ZNF197: variants seen among roughly 807,000 people sequenced by gnomAD.
ZNF197 encodes the protein zinc finger protein 197, also known as VHL-associated KRAB-A domain-containing protein.
In ZNF197, 14 loss-of-function variants were observed where a neutral mutation model predicts 27.4. That is an observed-to-expected ratio of 0.51 (90% CI 0.34 to 0.80). ZNF197 has a LOEUF of 0.80. ZNF197 is among the 30% of genes least tolerant of loss of function. ZNF197 has a pLI of 0.02. For synonymous variants in ZNF197, 415 were observed against 420.0 expected (o/e 0.99, Z 0.15); for missense variants, 1,090 against 1,222.6 (o/e 0.89, Z 1.62).
rs1391766150 is a variant in ZNF197 at position 44,631,074 on chromosome 3, G to T, written c.403G>T (p.Val135Phe). 6.2e-7 allele frequency: 1 copy of T among 1,614,100 alleles called. No homozygotes were observed. Among genetic ancestry groups the T allele is most frequent in the South Asian group, 1.1e-5 (1 of 91,074 alleles). ...TACTTGTTTCCAGGTTCCAGTCCTTGTCAAGGATCAGGACACTCTCCAGAA... is the reference window on the plus strand; with the variant it reads ...TACTTGTTTCCAGGTTCCAGTCCTTTTCAAGGATCAGGACACTCTCCAGAA... ...DGPAIQVPVL[V>F]KDQDTLQKVV... is the part of the protein sequence containing the mutation. The change falls in exon 3 of 6, where the codon GTC becomes TTC. Residue 135 changes from valine (V) to phenylalanine (F), a missense_variant. Coordinates refer to ENST00000344387, the MANE Select transcript of ZNF197 (RefSeq NM_006991.5).
chr3:44,645,620 G>C lies in ZNF197; in HGVS notation c.*1400G>C, dbSNP rs1469698717. ...TGGTACCCTGCTTTCCCTATTCAGA[G>C]GGAAAAAAATCCTTGACCCGCAGTT... On this transcript the variant is annotated 3_prime_UTR_variant, in exon 6 of 6. Coordinates refer to ENST00000344387, the MANE Select transcript of ZNF197 (RefSeq NM_006991.5). 3 of 985,236 alleles carry C rather than the reference G, an allele frequency of 3.0e-6. No individual in the cohort carries two copies. Among genetic ancestry groups the C allele is most frequent in the Admixed American group, 6.2e-5 (1 of 16,260 alleles). The allele number at this position is 985,236 out of a possible 1,614,324, so 61.0% of individuals were successfully genotyped here.
In ZNF197 at chr3:44,644,318, T is replaced by G; in HGVS notation, c.*98T>G. 6.8e-7 allele frequency: 1 copy of G among 1,465,186 alleles called. No homozygotes were observed. The highest frequency in any genetic ancestry group is 9.0e-7 in the Non-Finnish European group (1 of 1,114,080). 90.8% of individuals were successfully genotyped at this position (1,465,186 alleles called of 1,614,324 possible). Reference sequence around the variant, plus strand: ...AAGGAAAAAGTTTATTATTTACTCTTTACTAGACAAATGAGTAGCATATAG... The same window carrying G: ...AAGGAAAAAGTTTATTATTTACTCTGTACTAGACAAATGAGTAGCATATAG... On this transcript the variant is annotated 3_prime_UTR_variant, in exon 6 of 6. Coordinates refer to ENST00000344387, the MANE Select transcript of ZNF197 (RefSeq NM_006991.5).
chr3:44,641,340 G>A lies in ZNF197; in HGVS notation c.770-560G>A, dbSNP rs549057172. On this transcript the variant is annotated intron_variant, in intron 5 of 5. Coordinates refer to ENST00000344387, the MANE Select transcript of ZNF197 (RefSeq NM_006991.5). ...CATTTCTTAATTTTAAACGGAGTAGGAGTTATATGAATTCTAAGAATTAAG... is the reference window on the plus strand; with the variant it reads ...CATTTCTTAATTTTAAACGGAGTAGAAGTTATATGAATTCTAAGAATTAAG... Among the ~76,000 whole-genome samples, 4 of 152,192 alleles carry A rather than the reference G, an allele frequency of 2.6e-5. No homozygotes were observed. The South Asian group carries it at 8.3e-4, about 32-fold the overall frequency.
Position 44,631,125 on chromosome 3 carries a change from C to T in ZNF197, c.454C>T (p.Leu152Phe), listed in dbSNP as rs968625741. The T allele has an allele frequency of 1.2e-6, 2 of 1,614,012 alleles. No individual in the cohort carries two copies. The highest frequency in any genetic ancestry group is 2.7e-5 in the African/African-American group (2 of 74,918). The stretch of plus-strand genomic sequence containing the variant: ...GGTGGTGAGTGCCCCAGGAACAACA[C>T]TTCCTCCTGTACTTCCTGGCAGCCA... Reference protein sequence around the residue: ...QKVVSAPGTTLPPVLPGSHIA... With the variant: ...QKVVSAPGTTFPPVLPGSHIA... Residue 152 changes from leucine to phenylalanine, a missense_variant, in exon 3 of 6, where the codon CTT becomes TTT. Transcript: ENST00000344387.
rs759694759 is a variant in ZNF197 at position 44,642,743 on chromosome 3, A to C, written c.1613A>C (p.Tyr538Ser). The stretch of plus-strand genomic sequence containing the variant: ...AGAATCCACTCTGGGGAAAAACCCT[A>C]TAAATGTGATGAATGTGGAAAGACC... ...HQRIHSGEKP[Y>S]KCDECGKTFA... The change falls in exon 6 of 6, where the codon TAT (tyrosine) becomes TCT (serine). Residue 538 changes from tyrosine to serine, a missense_variant. Transcript: ENST00000344387. 6.2e-7 allele frequency: 1 copy of C among 1,613,734 alleles called. No homozygotes were observed. The highest frequency in any genetic ancestry group is 8.5e-7 in the Non-Finnish European group (1 of 1,180,010).
chr3:44,646,386 T>C lies in ZNF197; in HGVS notation c.*2166T>C. 2 of 1,576,388 alleles carry C rather than the reference T, an allele frequency of 1.3e-6. No homozygotes were observed. The highest frequency in any genetic ancestry group is 8.6e-7 in the Non-Finnish European group (1 of 1,161,940). On this transcript the variant is annotated 3_prime_UTR_variant, in exon 6 of 6. Coordinates refer to ENST00000344387, the MANE Select transcript of ZNF197 (RefSeq NM_006991.5). Reference sequence around the variant, plus strand: ...CTTCACCGAGTAACAAAATGTCACATTGCTTAGATTGAGACAGCCCACATA... The same window carrying C: ...CTTCACCGAGTAACAAAATGTCACACTGCTTAGATTGAGACAGCCCACATA...
At position 44,631,097 on chromosome 3, in the gene ZNF197, G is replaced by C. The variant is rs1440719907; in HGVS notation, c.426G>C (p.Gln142His). ...TTGTCAAGGATCAGGACACTCTCCA[G>C]AAGGTGGTGAGTGCCCCAGGAACAA... ...PVLVKDQDTL[Q>H]KVVSAPGTTL... is the part of the protein sequence containing the mutation. Residue 142 changes from glutamine (Q) to histidine (H), a missense_variant, in exon 3 of 6, where the codon CAG becomes CAC. Physicochemically the swap from Gln to His is conservative, Grantham distance 24. Coordinates refer to ENST00000344387, the MANE Select transcript of ZNF197 (RefSeq NM_006991.5). 6.2e-7 allele frequency: 1 copy of C among 1,614,154 alleles called. No individual in the cohort carries two copies. The highest frequency in any genetic ancestry group is 2.2e-5 in the East Asian group (1 of 44,870).
chr3:44,638,468 C>G (rs1702425558), intron 5 of ZNF197, among the ~76,000 whole-genome samples: 2 of 151,996 alleles, frequency 1.3e-5, no homozygotes, highest in Admixed American at 6.6e-5. Context: ...GTTTTAATAG[C>G]TTTTTAGTGA....
At position 44,632,175 on chromosome 3, in the gene ZNF197, G is replaced by T. The variant is rs1272622558; in HGVS notation, c.621G>T (p.Met207Ile). The T allele has an allele frequency of 3.1e-6, 5 of 1,613,984 alleles. No individual in the cohort carries two copies. The African/African-American group carries it at 5.3e-5, about 17-fold the overall frequency. The change falls in exon 4 of 6, where the codon ATG becomes ATT. Residue 207 changes from methionine to isoleucine, a missense_variant. Physicochemically the swap from Met to Ile is conservative, Grantham distance 10. Transcript: ENST00000344387. Reference sequence around the variant, plus strand: ...CAAGAAATCAATTAATGGCACTTATGCTCCTAACAGCCCAGCCCCAGGTAA... The same window carrying T: ...CAAGAAATCAATTAATGGCACTTATTCTCCTAACAGCCCAGCCCCAGGTAA... Reference protein sequence around the residue: ...ENPRNQLMALMLLTAQPQELV... With the variant: ...ENPRNQLMALILLTAQPQELV...
In ZNF197 at chr3:44,645,960, A is replaced by G. The variant is rs573335281; in HGVS notation, c.*1740A>G. 1.9e-5 allele frequency: 19 copies of G among 985,454 alleles called. No individual in the cohort carries two copies. The East Asian group carries it at 1.6e-3, about 82-fold the overall frequency. The allele number at this position is 985,454 out of a possible 1,614,324, so 61.0% of individuals were successfully genotyped here. ...AAAGTTCTGTTTCTGTAGCTGGACT[A>G]TGAATAATACCTGAATATGAAGATT... On this transcript the variant is annotated 3_prime_UTR_variant, in exon 6 of 6. Transcript: ENST00000344387.
Position 44,643,937 on chromosome 3 carries a change from G to C in ZNF197, c.2807G>C (p.Arg936Thr). ...GEKPYECDKC[R>T]KSFTSKRNLV... ...AAACCTTATGAGTGTGACAAGTGTAGGAAATCCTTTACTTCTAAGAGGAAT... is the reference window on the plus strand; with the variant it reads ...AAACCTTATGAGTGTGACAAGTGTACGAAATCCTTTACTTCTAAGAGGAAT... The change falls in exon 6 of 6, where the codon AGG becomes ACG. Residue 936 changes from arginine to threonine, a missense_variant. Arg to Thr is a moderately conservative substitution (Grantham distance 71, BLOSUM62 -1). Transcript: ENST00000344387. 6.2e-7 allele frequency: 1 copy of C among 1,614,116 alleles called. No homozygotes were observed. Among genetic ancestry groups the C allele is most frequent in the Non-Finnish European group, 8.5e-7 (1 of 1,180,018 alleles).
chr3:44,641,639 T>C (rs1455543599), intron 5 of ZNF197, among the ~76,000 whole-genome samples: 2 of 152,236 alleles, frequency 1.3e-5, no homozygotes, highest in African/African-American at 4.8e-5. Flanking sequence ...GCTTCTGTTT[T>C]CTCAGCATTA....
rs761566023 is a variant in ZNF197 at position 44,642,307 on chromosome 3, A to G, written c.1177A>G (p.Thr393Ala). 1.2e-6 allele frequency: 2 copies of G among 1,614,188 alleles called. No individual in the cohort carries two copies. The highest frequency in any genetic ancestry group is 1.7e-5 in the Admixed American group (1 of 60,024). The change falls in exon 6 of 6, where the codon ACT becomes GCT. Residue 393 changes from threonine (T) to alanine (A), a missense_variant. Coordinates refer to ENST00000344387, the MANE Select transcript of ZNF197 (RefSeq NM_006991.5). Reference protein sequence around the residue: ...SHLINHRRIHTGEKPHKCKEC... With the variant: ...SHLINHRRIHAGEKPHKCKEC... ...TCTTATAAACCATCGGAGAATCCACACTGGTGAGAAACCTCATAAATGTAA... is the reference window on the plus strand; with the variant it reads ...TCTTATAAACCATCGGAGAATCCACGCTGGTGAGAAACCTCATAAATGTAA...
intron 1 of ZNF197, among the ~76,000 whole-genome samples, chr3:44,628,218 G>A (rs1186989433): frequency 2.0e-5 from 3 of 152,184 alleles, no homozygotes; most frequent in African/African-American, 4.8e-5. Flanking sequence ...TAAGGACATA[G>A]TTCAGAATAA....
In ZNF197 at chr3:44,642,025, GAA is replaced by G; in HGVS notation, c.896_897del (p.Glu299GlyfsTer3). ...TGTTCCCCAGGTCCTTGATTTTGAAGAAGAGTGTGAATGGCAAGTTTTGGCAA... is the reference window on the plus strand; with the variant it reads ...TGTTCCCCAGGTCCTTGATTTTGAAGGAGTGTGAATGGCAAGTTTTGGCAA... ...GSVPQVLDFE[E>X]ECEWQVLASQ... On this transcript the variant is annotated frameshift_variant, in exon 6 of 6. Coordinates refer to ENST00000344387, the MANE Select transcript of ZNF197 (RefSeq NM_006991.5). LOFTEE classifies it low-confidence loss of function (END_TRUNC). The G allele has an allele frequency of 6.2e-7, 1 of 1,614,102 alleles. No homozygotes were observed. Among genetic ancestry groups the G allele is most frequent in the Non-Finnish European group, 8.5e-7 (1 of 1,179,986 alleles).
Position 44,642,374 on chromosome 3 carries a change from T to G in ZNF197, c.1244T>G (p.Met415Arg). ...TTTATTCAGCGTTCGAGCCTTCTAA[T>G]GCATTTACGGAACCATTCAGGGGAG... ...KGFIQRSSLL[M>R]HLRNHSGEKP... Residue 415 changes from methionine to arginine, a missense_variant, in exon 6 of 6, where the codon ATG (methionine) becomes AGG (arginine). Physicochemically the swap from Met to Arg is moderately conservative, Grantham distance 91. Transcript: ENST00000344387. 1 of 1,614,124 alleles carries G rather than the reference T, an allele frequency of 6.2e-7. No homozygotes were observed. Among genetic ancestry groups the G allele is most frequent in the Non-Finnish European group, 8.5e-7 (1 of 1,180,018 alleles).
chr3:44,631,562 G>A (rs1038408820), intron 3 of ZNF197, among the ~76,000 whole-genome samples: 14 of 151,104 alleles, frequency 9.3e-5, no homozygotes, highest in African/African-American at 1.5e-4. Flanking sequence ...CACTGTGCCC[G>A]GCTAGTTTTT....
rs901172700 is a variant in ZNF197, at chr3:44,643,145, A to G, written c.2015A>G (p.His672Arg). 1 of 1,612,754 alleles carries G rather than the reference A, an allele frequency of 6.2e-7. No homozygotes were observed. Among genetic ancestry groups the G allele is most frequent in the Non-Finnish European group, 8.5e-7 (1 of 1,179,662 alleles). ...KKSLILHQRF[H>R]TGENLYECKD... is the part of the protein sequence containing the mutation. ...AGCCTCATTTTACATCAAAGGTTCC[A>G]CACTGGAGAGAATCTCTATGAATGT... is the stretch of plus-strand genomic sequence containing the variant. The change falls in exon 6 of 6, where the codon CAC (histidine) becomes CGC (arginine). Residue 672 changes from histidine to arginine, a missense_variant. Physicochemically the swap from His to Arg is conservative, Grantham distance 29. Coordinates refer to ENST00000344387, the MANE Select transcript of ZNF197 (RefSeq NM_006991.5).
rs1203636604 is a variant in ZNF197 at position 44,646,841 on chromosome 3, A to G, written c.*2621A>G. The G allele has an allele frequency of 1.0e-5, 3 of 297,468 alleles. No individual in the cohort carries two copies. Among genetic ancestry groups the G allele is most frequent in the Non-Finnish European group, 1.9e-5 (3 of 159,202 alleles). The allele number at this position is 297,468 out of a possible 1,614,324, so 18.4% of individuals were successfully genotyped here. A position where few individuals can be genotyped will look rare whatever the true frequency, so the allele number is the denominator to read the frequency against. Reference sequence around the variant, plus strand: ...TTTTGACAGGGGCAAAAGCAATTCAATGGAGGAGGGATCGCCTTTTCAGCA... The same window carrying G: ...TTTTGACAGGGGCAAAAGCAATTCAGTGGAGGAGGGATCGCCTTTTCAGCA... On this transcript the variant is annotated 3_prime_UTR_variant, in exon 6 of 6. Coordinates refer to ENST00000344387, the MANE Select transcript of ZNF197 (RefSeq NM_006991.5).
Sources: gnomAD v4.1 joint callset for allele counts (sites outside exome capture counted in the v4.1 genomes callset) on GRCh38, gnomAD v4.1.1 for gene constraint, MANE v1.5 for transcripts, NCBI Gene and HGNC (gene_info 2026-07-23, HGNC 2026-07-21) for gene names.